HSPA12A: variants seen among roughly 807,000 people sequenced by gnomAD.
HSPA12A encodes the protein heat shock protein family A (Hsp70) member 12A.
In HSPA12A, 28 loss-of-function variants were observed where a neutral mutation model predicts 69.2. That is an observed-to-expected ratio of 0.40 (90% CI 0.30 to 0.55). HSPA12A has a LOEUF of 0.55. HSPA12A is among the 20% of genes least tolerant of loss of function. The pLI is 0.38. For missense variants in HSPA12A, 686 were observed against 900.7 expected (o/e 0.76, Z 3.05); for synonymous variants, 345 against 370.5 (o/e 0.93, Z 0.79).
intron 1 of HSPA12A, among the ~76,000 whole-genome samples, chr10:116,737,067 C>T (rs1024167909): frequency 5.9e-5 from 9 of 152,104 alleles, no homozygotes; most frequent in Admixed American, 3.3e-4. Context: ...CTCATAAAGG[C>T]CATATGAAGA....
At chr10:116,743,112 C>T (rs1851569500), upstream of HSPA12A, among the ~76,000 whole-genome samples, 1 of 129,098 alleles carries the variant, frequency 7.7e-6, no homozygotes, top group Middle Eastern at 3.6e-3. Flanking sequence ...GGGGCCGAGC[C>T]CGGGGCACCG....
At chr10:116,740,961 TAAAAAAAAAAAA>T (rs5788190) in intron 1 of HSPA12A, among the ~76,000 whole-genome samples, 1 of 84,708 alleles carries the variant, frequency 1.2e-5, no homozygotes, top group African/African-American at 4.7e-5. Flanking sequence ...AGGAAAAAAG[TAAAAAAAAAAAA>T]AAAAAAAAAA....
At position 116,742,439 on chromosome 10, in the gene HSPA12A, C is replaced by A. The variant is rs1248793492; in HGVS notation, c.31G>T (p.Gly11Trp). MADKEAGGSD[G>W]PRETAPTSAY... ...CGCAGCCTGCGCTCACCTCGGGGCC[C>A]GTCGCTGCCGCCGGCCTCCTTGTCC... Residue 11 changes from glycine to tryptophan, a missense_variant, in exon 1 of 12, where the codon GGG becomes TGG. Gly to Trp is a radical substitution (Grantham distance 184, BLOSUM62 -2). Coordinates refer to ENST00000369209, the MANE Select transcript of HSPA12A (RefSeq NM_025015.3). The A allele has an allele frequency of 1.7e-5, 24 of 1,414,072 alleles. 1 individual carries two copies. In the Admixed American group the frequency reaches 3.4e-4, roughly 20 times the overall value. The allele number at this position is 1,414,072 out of a possible 1,614,324, so 87.6% of individuals were successfully genotyped here. A position where few individuals can be genotyped will look rare whatever the true frequency, so the allele number is the denominator to read the frequency against.
At chr10:116,780,752 T>C (rs1313839732) in intron 2 of HSPA12A, among the ~76,000 whole-genome samples, 4 of 152,094 alleles carry the variant, frequency 2.6e-5, no homozygotes, top group Non-Finnish European at 5.9e-5. Context: ...TATATAACAA[T>C]CATAATTTTT....
At chr10:116,818,932 C>T (rs1845357974) in intron 2 of HSPA12A, among the ~76,000 whole-genome samples, 1 of 152,134 alleles carries the variant, frequency 6.6e-6, no homozygotes, top group Non-Finnish European at 1.5e-5. Flanking sequence ...TGCTTCCAGG[C>T]TTGTACCTTG....
chr10:116,733,393 C>T (rs915919153), intron 1 of HSPA12A, among the ~76,000 whole-genome samples: 12 of 152,296 alleles, frequency 7.9e-5, no homozygotes, highest in African/African-American at 2.9e-4. Context: ...ACAGAACCAG[C>T]CGCCTGGGTA....
intron 2 of HSPA12A, among the ~76,000 whole-genome samples, chr10:116,803,165 G>T (rs1260063510): frequency 1.3e-5 from 2 of 152,274 alleles, no homozygotes; most frequent in African/African-American, 4.8e-5. Context: ...CAGGTAGTTG[G>T]TATTTTCTGA....
At chr10:116,836,199 G>C (rs1457212744) in intron 1 of HSPA12A, among the ~76,000 whole-genome samples, 1 of 152,122 alleles carries the variant, frequency 6.6e-6, no homozygotes, top group Admixed American at 6.5e-5. Context: ...CTCCTCTCCA[G>C]CTGCGGAGCT....
At chr10:116,731,554 T>C (rs1387769651) in intron 1 of HSPA12A, among the ~76,000 whole-genome samples, 1 of 152,204 alleles carries the variant, frequency 6.6e-6, no homozygotes, top group Non-Finnish European at 1.5e-5. Context: ...AGTTACCCCA[T>C]GTAGCATGAA....
At chr10:116,742,617 A>G, upstream of HSPA12A, 11 of 1,067,306 alleles carry the variant, frequency 1.0e-5, no homozygotes, top group Non-Finnish European at 1.2e-5. Context: ...CGCCGCAGCC[A>G]CGGCTCCTCC....
At chr10:116,836,339 G>A (rs939929370) in intron 1 of HSPA12A, among the ~76,000 whole-genome samples, 9 of 152,136 alleles carry the variant, frequency 5.9e-5, no homozygotes, top group African/African-American at 2.2e-4. Context: ...GGCAGTGGTG[G>A]AGGGAGCATA....
At chr10:116,749,671 T>C (rs1554888121) in intron 2 of HSPA12A, among the ~76,000 whole-genome samples, 1 of 152,196 alleles carries the variant, frequency 6.6e-6, no homozygotes, top group Non-Finnish European at 1.5e-5. Context: ...AAAGCACCCT[T>C]ATATCTCTCC....
chr10:116,805,256 C>T (rs1845044654), intron 2 of HSPA12A, among the ~76,000 whole-genome samples: 1 of 152,120 alleles, frequency 6.6e-6, no homozygotes, highest in South Asian at 2.1e-4. Flanking sequence ...GCGGAGCTTG[C>T]AGTGAGCCGA....
chr10:116,743,195 G>T (rs963530200), upstream of HSPA12A, among the ~76,000 whole-genome samples: 2 of 152,228 alleles, frequency 1.3e-5, no homozygotes, highest in African/African-American at 4.8e-5. Context: ...GCTGAGTCGC[G>T]CCTTCCATAT....
intron 6 of HSPA12A, among the ~76,000 whole-genome samples, chr10:116,689,063 C>A (rs1849660055): frequency 2.6e-5 from 4 of 152,140 alleles, no homozygotes; most frequent in Admixed American, 1.3e-4. Flanking sequence ...TGGAGTTTCA[C>A]CGATGAAACT....
chr10:116,696,002 C>CAAAAAAAAGAAAAAAA (rs1849887744), intron 5 of HSPA12A, among the ~76,000 whole-genome samples: 1 of 32,714 alleles, frequency 3.1e-5, no homozygotes, highest in African/African-American at 1.5e-4. Context: ...GACTCCATCT[C>CAAAAAAAAGAAAAAAA]AAAAAAAAAA....
At chr10:116,713,136 C>G (rs1262438064) in intron 1 of HSPA12A, among the ~76,000 whole-genome samples, 1 of 149,026 alleles carries the variant, frequency 6.7e-6, no homozygotes, top group Non-Finnish European at 1.5e-5. Context: ...CCTGCAGTGT[C>G]ATCTTTGAAA....
chr10:116,742,607 C>A, upstream of HSPA12A: 1 of 1,088,672 alleles, frequency 9.2e-7, no homozygotes, highest in African/African-American at 1.7e-5. Context: ...ACGCGGCAGC[C>A]GCCGCAGCCA....
chr10:116,742,592 C>T, upstream of HSPA12A: 1 of 1,117,330 alleles, frequency 8.9e-7, no homozygotes. Context: ...GGGAGCGCTG[C>T]TCTGACGCGG....
Sources: gnomAD v4.1 joint callset for allele counts (sites outside exome capture counted in the v4.1 genomes callset) on GRCh38, gnomAD v4.1.1 for gene constraint, MANE v1.5 for transcripts, NCBI Gene and HGNC (gene_info 2026-07-23, HGNC 2026-07-21) for gene names.